CEP350: variants seen among roughly 807,000 people sequenced by gnomAD.
CEP350 encodes centrosome-associated protein 350.
CEP350 carries 126 observed loss-of-function variants against 331.8 expected under a neutral mutation model. The ratio of observed to expected loss-of-function variants is 0.38; its 90% CI spans 0.33 to 0.44. The LOEUF (loss-of-function observed/expected upper bound fraction) is 0.44. CEP350 is among the 20% of genes least tolerant of loss of function. The pLI, the probability that CEP350 is intolerant of heterozygous loss-of-function variation, is 1.00. For missense variants in CEP350, 3,406 were observed against 3,634.6 expected (o/e 0.94, Z 1.62); for synonymous variants, 1,200 against 1,259.5 (o/e 0.95, Z 1.00).
chr1:180,097,991 G>T (rs1199873456), intron 36 of CEP350, among the ~76,000 whole-genome samples: 1 of 152,026 alleles, frequency 6.6e-6, no homozygotes, highest in Admixed American at 6.6e-5. Context: ...TTTTCTTGAG[G>T]TGGAGTTTCA....
At chr1:179,979,924 T>G (rs1652153941) in intron 1 of CEP350, among the ~76,000 whole-genome samples, 1 of 152,180 alleles carries the variant, frequency 6.6e-6, no homozygotes, top group Non-Finnish European at 1.5e-5. Context: ...TATGCTGTTT[T>G]GGTTACTGTA....
intron 27 of CEP350, among the ~76,000 whole-genome samples, chr1:180,073,587 T>C (rs1429832814): frequency 6.6e-6 from 1 of 152,228 alleles, no homozygotes; most frequent in Non-Finnish European, 1.5e-5. Context: ...GCATGTTTAT[T>C]CAGGAATCAT....
intron 17 of CEP350, among the ~76,000 whole-genome samples, chr1:180,040,580 G>A (rs1656696728): frequency 6.6e-6 from 1 of 151,512 alleles, no homozygotes; most frequent in Non-Finnish European, 1.5e-5. Context: ...GAGCCATTGT[G>A]CCCAGCCCTT....
At chr1:179,991,407 C>T (rs1041344572) in intron 4 of CEP350, among the ~76,000 whole-genome samples, 3 of 147,332 alleles carry the variant, frequency 2.0e-5, no homozygotes, top group Non-Finnish European at 1.5e-5. Context: ...ACCTCTACGT[C>T]CTGGGTTTAA....
chr1:180,004,910 T>TTGCTTGCTTGCTTG (rs1558093178), intron 7 of CEP350, among the ~76,000 whole-genome samples: 11 of 42,872 alleles, frequency 2.6e-4, no homozygotes, highest in Non-Finnish European at 4.7e-4. Flanking sequence ...TTGCTTGCTT[T>TTGCTTGCTTGCTTG]CTTTCTTTCT....
Position 179,955,086 on chromosome 1 carries a change from T to G in CEP350, c.-70T>G. On this transcript the variant is annotated 5_prime_UTR_variant, in exon 1 of 38. Coordinates refer to ENST00000367607, the MANE Select transcript of CEP350 (RefSeq NM_014810.5). ...CGGTCGGGGCGGCGTCACTGCACCC[T>G]CCGCCAGGCTCCGCGGGATGCACCG... 6.9e-7 allele frequency: 1 copy of G among 1,457,588 alleles called. No individual in the cohort carries two copies. Among genetic ancestry groups the G allele is most frequent in the Non-Finnish European group, 9.0e-7 (1 of 1,107,302 alleles). 90.3% of individuals were successfully genotyped at this position (1,457,588 alleles called of 1,614,324 possible).
At chr1:179,986,642 G>A (rs1322546166) in intron 2 of CEP350, among the ~76,000 whole-genome samples, 3 of 152,054 alleles carry the variant, frequency 2.0e-5, no homozygotes, top group Admixed American at 1.3e-4. Context: ...ATTTTTTGAG[G>A]GAGATTGACA....
At chr1:180,047,043 A>C (rs1289952316) in intron 21 of CEP350, among the ~76,000 whole-genome samples, 1 of 152,250 alleles carries the variant, frequency 6.6e-6, no homozygotes, top group Non-Finnish European at 1.5e-5. Flanking sequence ...ATACACAAAA[A>C]AACAGTATGA....
At chr1:180,095,492 G>T in intron 34 of CEP350, 31 bp from the exon 35 acceptor site, 1 of 1,573,772 alleles carries the variant, frequency 6.4e-7, no homozygotes, top group Non-Finnish European at 8.6e-7. Flanking sequence ...TCCCTAAATG[G>T]TGCTCTGTTT....
intron 15 of CEP350, among the ~76,000 whole-genome samples, chr1:180,032,521 G>A (rs1053600028): frequency 1.3e-5 from 2 of 151,930 alleles, no homozygotes; most frequent in African/African-American, 2.4e-5. Flanking sequence ...TTTCATCAAT[G>A]CCCCATACTG....
chr1:180,106,929 TA>T (rs1661180182), intron 37 of CEP350, among the ~76,000 whole-genome samples: 1 of 152,146 alleles, frequency 6.6e-6, no homozygotes, highest in African/African-American at 2.4e-5. Context: ...TACAGAACCT[TA>T]TTTATTCCTT....
At chr1:180,031,074 T>C (rs907335595) in intron 14 of CEP350, among the ~76,000 whole-genome samples, 1 of 152,034 alleles carries the variant, frequency 6.6e-6, no homozygotes, top group East Asian at 1.9e-4. Flanking sequence ...TTATTACTAT[T>C]GCACTAAGAA....
At chr1:180,074,303 C>T (rs999542574) in intron 27 of CEP350, among the ~76,000 whole-genome samples, 8 of 152,122 alleles carry the variant, frequency 5.3e-5, no homozygotes, top group African/African-American at 1.7e-4. Flanking sequence ...CCCTCTGGGC[C>T]TAAGATATCA....
intron 3 of CEP350, among the ~76,000 whole-genome samples, chr1:179,988,739 C>T (rs1238251234): frequency 6.6e-6 from 1 of 151,576 alleles, no homozygotes; most frequent in Non-Finnish European, 1.5e-5. Flanking sequence ...TTTTCTATGC[C>T]ACCTGATTTT....
intron 1 of CEP350, among the ~76,000 whole-genome samples, chr1:179,964,435 G>A (rs1650846061): frequency 6.6e-6 from 1 of 151,988 alleles, no homozygotes; most frequent in East Asian, 1.9e-4. Flanking sequence ...ATTTTTTGGA[G>A]TAGTTTCAGT....
At chr1:180,065,524 A>G (rs898046786) in intron 27 of CEP350, among the ~76,000 whole-genome samples, 91 of 152,068 alleles carry the variant, frequency 6.0e-4, no homozygotes, top group African/African-American at 2.1e-3. Context: ...GCTCACACCT[A>G]TAATCCCAGC....
At chr1:180,071,186 G>A (rs940657461) in intron 27 of CEP350, among the ~76,000 whole-genome samples, 1 of 149,764 alleles carries the variant, frequency 6.7e-6, no homozygotes, top group Non-Finnish European at 1.5e-5. Flanking sequence ...AGCCGGGCAC[G>A]GTGGCTCATA....
At chr1:180,030,804 C>T (rs1655977606) in intron 14 of CEP350, among the ~76,000 whole-genome samples, 3 of 152,022 alleles carry the variant, frequency 2.0e-5, no homozygotes, top group Admixed American at 6.6e-5. Flanking sequence ...CATTGAATAA[C>T]ATGCATAATT....
At chr1:180,061,543 A>G (rs1465042713) in intron 25 of CEP350, among the ~76,000 whole-genome samples, 1 of 152,200 alleles carries the variant, frequency 6.6e-6, no homozygotes, top group Non-Finnish European at 1.5e-5. Flanking sequence ...ATTATCTGTT[A>G]AATTTTGACA....
Sources: gnomAD v4.1 joint callset for allele counts (sites outside exome capture counted in the v4.1 genomes callset) on GRCh38, gnomAD v4.1.1 for gene constraint, MANE v1.5 for transcripts, NCBI Gene and HGNC (gene_info 2026-07-23, HGNC 2026-07-21) for gene names.